Variants in ROBO1 observed in about 807,000 individuals in gnomAD.
The protein encoded by ROBO1 is roundabout homolog 1.
In ROBO1, 149 loss-of-function variants were observed where a neutral mutation model predicts 195.9. The ratio of observed to expected loss-of-function variants is 0.76; its 90% CI spans 0.67 to 0.87. The LOEUF (loss-of-function observed/expected upper bound fraction) is 0.87. ROBO1 is among the 40% of genes least tolerant of loss of function. The pLI, the probability that ROBO1 is intolerant of heterozygous loss-of-function variation, is 0.00. For missense variants in ROBO1, 1,933 were observed against 2,068.3 expected (o/e 0.93, Z 1.27); for synonymous variants, 816 against 733.2 (o/e 1.11, Z -1.82).
chr3:79,442,824 G>T (rs959008861), intron 2 of ROBO1, among the ~76,000 whole-genome samples: 2 of 152,058 alleles, frequency 1.3e-5, no homozygotes, highest in African/African-American at 2.4e-5. Flanking sequence ...GAACCATCCT[G>T]CTTCTCAGGA....
chr3:79,011,320 T>C (rs1370349659), intron 3 of ROBO1, among the ~76,000 whole-genome samples: 1 of 152,204 alleles, frequency 6.6e-6, no homozygotes, highest in African/African-American at 2.4e-5. Flanking sequence ...CAGATAGATA[T>C]ATTTCTTTAG....
At chr3:79,181,509 G>A (rs1017415166) in intron 2 of ROBO1, among the ~76,000 whole-genome samples, 3 of 152,050 alleles carry the variant, frequency 2.0e-5, no homozygotes, top group Non-Finnish European at 4.4e-5. Flanking sequence ...GTGAAATCTA[G>A]GATTTCTCTG....
At chr3:79,288,053 T>C (rs990350043) in intron 2 of ROBO1, among the ~76,000 whole-genome samples, 13 of 152,144 alleles carry the variant, frequency 8.5e-5, no homozygotes, top group African/African-American at 3.1e-4. Flanking sequence ...TAACTCTCTA[T>C]GACAAACTAA....
intron 3 of ROBO1, among the ~76,000 whole-genome samples, chr3:78,974,468 G>T (rs1187291369): frequency 6.6e-6 from 1 of 152,056 alleles, no homozygotes; most frequent in Non-Finnish European, 1.5e-5. Context: ...AGTCAGCTTG[G>T]CAATAGAAGG....
intron 1 of ROBO1, among the ~76,000 whole-genome samples, chr3:79,749,941 A>G (rs1224098437): frequency 6.6e-6 from 1 of 152,188 alleles, no homozygotes; most frequent in Admixed American, 6.5e-5. Context: ...AAGAGGGCCA[A>G]CATCCTCCAG....
In ROBO1 at chr3:78,793,065, G is replaced by T. The variant is rs147353936; in HGVS notation, c.500-46165C>A. On this transcript the variant is annotated intron_variant, in intron 4 of 30. Coordinates refer to ENST00000464233, the MANE Select transcript of ROBO1 (RefSeq NM_002941.4). Reference sequence around the variant, plus strand: ...TGAGCTGAGAGAGGGAGGTAGCAGTGAGCAGTGATCTTGCCACTGTACTCC... The same window carrying T: ...TGAGCTGAGAGAGGGAGGTAGCAGTTAGCAGTGATCTTGCCACTGTACTCC... Among the ~76,000 whole-genome samples, 15 of 151,254 alleles carry T rather than the reference G, an allele frequency of 9.9e-5. No individual in the cohort carries two copies. In the East Asian group the frequency reaches 2.9e-3, roughly 30 times the overall value.
At chr3:78,952,364 T>C (rs2040834879) in intron 3 of ROBO1, among the ~76,000 whole-genome samples, 1 of 149,534 alleles carries the variant, frequency 6.7e-6, no homozygotes, top group Non-Finnish European at 1.5e-5. Context: ...ATTATATATA[T>C]AATATATAAA....
intron 2 of ROBO1, among the ~76,000 whole-genome samples, chr3:79,500,633 C>T (rs961691070): frequency 1.3e-5 from 2 of 152,162 alleles, no homozygotes; most frequent in South Asian, 2.1e-4. Context: ...TTCAAAGCAA[C>T]CTCTAGGAAA....
intron 2 of ROBO1, among the ~76,000 whole-genome samples, chr3:79,250,678 A>AATAAAAAAT: frequency 6.6e-6 from 1 of 152,208 alleles, no homozygotes; most frequent in Non-Finnish European, 1.5e-5. Context: ...TAAAATAACC[A>AATAAAAAAT]GAATAATAAA....
chr3:79,380,212 C>T (rs867371903), intron 2 of ROBO1, among the ~76,000 whole-genome samples: 2 of 152,088 alleles, frequency 1.3e-5, no homozygotes, highest in Non-Finnish European at 2.9e-5. Context: ...TTTTACTATA[C>T]CTACTCTTTA....
At chr3:79,011,313 A>G (rs949022763) in intron 3 of ROBO1, among the ~76,000 whole-genome samples, 2 of 152,218 alleles carry the variant, frequency 1.3e-5, no homozygotes, top group African/African-American at 4.8e-5. Context: ...GGAATTGCAG[A>G]TAGATATATT....
At chr3:78,646,408 AT>A (rs1706295654) in intron 20 of ROBO1, among the ~76,000 whole-genome samples, 1 of 150,342 alleles carries the variant, frequency 6.7e-6, no homozygotes, top group Non-Finnish European at 1.5e-5. Context: ...AATTATATAT[AT>A]AATTAGATAT....
rs141637411 is a variant in ROBO1 at position 79,217,918 on chromosome 3, C to A, written c.89-92379G>T. ...AATAAATCCATGGTTCTATTGGTAG[C>A]AAAGTATACATACCCTGGTAATAAA... On this transcript the variant is annotated intron_variant, in intron 2 of 30. Coordinates refer to ENST00000464233, the MANE Select transcript of ROBO1 (RefSeq NM_002941.4). Among the ~76,000 whole-genome samples the A allele has an allele frequency of 8.0e-4, 122 of 151,730 alleles. 1 individual carries two copies. Among genetic ancestry groups the A allele is most frequent in the Non-Finnish European group, 6.6e-4 (45 of 67,838 alleles).
At chr3:78,702,236 T>C (rs1049138295) in intron 8 of ROBO1, among the ~76,000 whole-genome samples, 7 of 152,184 alleles carry the variant, frequency 4.6e-5, no homozygotes, top group African/African-American at 1.2e-4. Flanking sequence ...TCATGCTGTG[T>C]ATATCTATCA....
At chr3:78,796,727 C>T (rs1045858980) in intron 4 of ROBO1, among the ~76,000 whole-genome samples, 2 of 152,016 alleles carry the variant, frequency 1.3e-5, no homozygotes. Context: ...AAAGCTCTTC[C>T]TTCCTTTCTC....
At chr3:79,401,281 A>C (rs1231419279) in intron 2 of ROBO1, among the ~76,000 whole-genome samples, 2 of 151,838 alleles carry the variant, frequency 1.3e-5, no homozygotes, top group Non-Finnish European at 2.9e-5. Flanking sequence ...TAAGGATCTA[A>C]GACGTGTGGC....
At chr3:78,840,391 A>G (rs926882849) in intron 4 of ROBO1, among the ~76,000 whole-genome samples, 1 of 152,206 alleles carries the variant, frequency 6.6e-6, no homozygotes, top group Non-Finnish European at 1.5e-5. Flanking sequence ...GACAAGAGTA[A>G]TAATATTTTT....
At chr3:79,216,188 T>G (rs2082053099) in intron 2 of ROBO1, among the ~76,000 whole-genome samples, 1 of 152,072 alleles carries the variant, frequency 6.6e-6, no homozygotes, top group Admixed American at 6.6e-5. Flanking sequence ...TAAGGAAACT[T>G]ATTTTAAAGA....
intron 4 of ROBO1, among the ~76,000 whole-genome samples, chr3:78,885,643 T>C (rs944796767): frequency 6.6e-6 from 1 of 150,930 alleles, no homozygotes; most frequent in Non-Finnish European, 1.5e-5. Flanking sequence ...ATTAACTCAT[T>C]TAATCCTCAC....
Sources: gnomAD v4.1 joint callset for allele counts (sites outside exome capture counted in the v4.1 genomes callset) on GRCh38, gnomAD v4.1.1 for gene constraint, MANE v1.5 for transcripts, NCBI Gene and HGNC (gene_info 2026-07-23, HGNC 2026-07-21) for gene names.